Variants in MAP3K6 observed in about 807,000 individuals in gnomAD.
MAP3K6 encodes mitogen-activated protein kinase kinase kinase 6, also known as apoptosis signal-regulating kinase 2.
Under a neutral mutation model 147.1 loss-of-function variants are expected in MAP3K6, and 105 were observed. The observed-to-expected ratio is 0.71, with a 90% confidence interval of 0.61 to 0.84. The LOEUF (loss-of-function observed/expected upper bound fraction) is 0.84. Among genes scored for constraint, MAP3K6 ranks in the 40% least tolerant of loss-of-function variants. The pLI, the probability that MAP3K6 is intolerant of heterozygous loss-of-function variation, is 0.00. For synonymous variants in MAP3K6, 695 were observed against 732.4 expected, an observed-to-expected ratio of 0.95 and a Z score of 0.82; for missense variants, 1,569 against 1,715.0, an observed-to-expected ratio of 0.91 and a Z score of 1.50.
chr1:27,359,938 T>G lies in MAP3K6; in HGVS notation c.2239A>C (p.Thr747Pro), dbSNP rs1571067799. ...VWGPLKDNES[T>P]ISFYTRQILQ... ...ATCTGGCGGGTGTAGAAACTGATGGTGCTCTCGTTGTCCTTCAGGGGTCCC... is the reference window on the plus strand; with the variant it reads ...ATCTGGCGGGTGTAGAAACTGATGGGGCTCTCGTTGTCCTTCAGGGGTCCC... Residue 747 changes from threonine to proline, a missense_variant, in exon 17 of 29, where the codon ACC becomes CCC. Thr to Pro is a conservative substitution (Grantham distance 38). Transcript: ENST00000357582. The surrounding 1 kb of genome is among the most constrained non-coding windows in gnomAD (Gnocchi z 4.4). The G allele has an allele frequency of 6.2e-7, 1 of 1,614,090 alleles. No homozygotes were observed. Among genetic ancestry groups the G allele is most frequent in the Non-Finnish European group, 8.5e-7 (1 of 1,180,004 alleles).
At position 27,360,911 on chromosome 1, in the gene MAP3K6, G is replaced by A. The variant is rs753554846; in HGVS notation, c.1920+10C>T. 6.1e-5 allele frequency: 98 copies of A among 1,607,696 alleles called. No homozygotes were observed. The highest frequency in any genetic ancestry group is 1.0e-4 in the Admixed American group (6 of 59,668). ...TCGCCCTCCGCGAGCTCCCAGTCCCGCGTCCTCACCTCCAACATCTCCCCC... is the reference window on the plus strand; with the variant it reads ...TCGCCCTCCGCGAGCTCCCAGTCCCACGTCCTCACCTCCAACATCTCCCCC... On this transcript the variant is annotated intron_variant, in intron 14 of 28. Coordinates refer to ENST00000357582, the MANE Select transcript of MAP3K6 (RefSeq NM_004672.5). This position sits in a 1 kb window ranked among gnomAD's most constrained non-coding sequence, Gnocchi z 4.5.
chr1:27,361,135 C>A, intron 13 of MAP3K6, 22 bp downstream of exon 13: 1 of 1,590,288 alleles, frequency 6.3e-7, no homozygotes. Flanking sequence ...TCAGAGTACC[C>A]CGACCATGAA....
rs952524835 is a variant in MAP3K6, at chr1:27,359,749, C to T, written c.2319+109G>A. The T allele has an allele frequency of 2.0e-6, 3 of 1,522,204 alleles. No homozygotes were observed. The highest frequency in any genetic ancestry group is 2.7e-6 in the Non-Finnish European group (3 of 1,117,094). 94.3% of individuals were successfully genotyped at this position (1,522,204 alleles called of 1,614,324 possible). A position where few individuals can be genotyped will look rare whatever the true frequency, so the allele number is the denominator to read the frequency against. ...GAGCCTCCCTGATGAATTCCCTACC[C>T]TTTGCAACAGGTCTGCTCACTTAAT... On this transcript the variant is annotated intron_variant, in intron 17 of 28. Transcript: ENST00000357582. This position sits in a 1 kb window ranked among gnomAD's most constrained non-coding sequence, Gnocchi z 4.4.
rs2015991286 is a variant in MAP3K6 at position 27,366,456 on chromosome 1, C to T, written c.142G>A (p.Val48Ile). ...TGCGGCTCCCGGGTCAGCACGTAGACCACGCTGAGCGGCCGGCTCCGCGCG... is the reference window on the plus strand; with the variant it reads ...TGCGGCTCCCGGGTCAGCACGTAGATCACGCTGAGCGGCCGGCTCCGCGCG... ...GCARSRPLSV[V>I]YVLTREPQPG... The change falls in exon 1 of 29, where the codon GTC (valine) becomes ATC (isoleucine). Residue 48 changes from valine to isoleucine, a missense_variant. Coordinates refer to ENST00000357582, the MANE Select transcript of MAP3K6 (RefSeq NM_004672.5). The surrounding 1 kb of genome is among the most constrained non-coding windows in gnomAD (Gnocchi z 5.5). 8.3e-7 allele frequency: 1 copy of T among 1,202,722 alleles called. No individual in the cohort carries two copies. The highest frequency in any genetic ancestry group is 1.6e-5 in the African/African-American group (1 of 63,080). The allele number at this position is 1,202,722 out of a possible 1,614,324, so 74.5% of individuals were successfully genotyped here. A position where few individuals can be genotyped will look rare whatever the true frequency, so the allele number is the denominator to read the frequency against.
chr1:27,365,802 C>T (rs1383371714), intron 1 of MAP3K6, among the ~76,000 whole-genome samples: 1 of 152,148 alleles, frequency 6.6e-6, no homozygotes. Flanking sequence ...ACTCCAGCCT[C>T]CCGGCCCCTT....
Position 27,361,525 on chromosome 1 carries a change from T to C in MAP3K6, c.1681A>G (p.Thr561Ala). ...TVTLSLLEPETQDIPSSWTFP... is the reference protein window; with the variant it reads ...TVTLSLLEPEAQDIPSSWTFP... The stretch of plus-strand genomic sequence containing the variant: ...GGCCTCAGCAGCGACTTCACCTGGG[T>C]CTCAGGCTCCAGCAGGCTCAGGGTC... Residue 561 changes from threonine to alanine, a missense_variant, in exon 11 of 29, where the codon ACC (threonine) becomes GCC (alanine). By Grantham distance (58) the Thr-to-Ala change is moderately conservative. Transcript: ENST00000357582. The C allele has an allele frequency of 6.2e-7, 1 of 1,614,058 alleles. No homozygotes were observed. Among genetic ancestry groups the C allele is most frequent in the Non-Finnish European group, 8.5e-7 (1 of 1,179,974 alleles).
Position 27,364,453 on chromosome 1 carries a change from G to A in MAP3K6, c.505-59C>T. 6.3e-7 allele frequency: 1 copy of A among 1,592,156 alleles called. No homozygotes were observed. Among genetic ancestry groups the A allele is most frequent in the South Asian group, 1.1e-5 (1 of 90,142 alleles). ...GAGGTCAGCACAGGGCTAGACAAGG[G>A]GAGTGAGAGCATCAAAGGTCAGCAT... is the stretch of plus-strand genomic sequence containing the variant. On this transcript the variant is annotated intron_variant, in intron 3 of 28. Coordinates refer to ENST00000357582, the MANE Select transcript of MAP3K6 (RefSeq NM_004672.5). This position sits in a 1 kb window ranked among gnomAD's most constrained non-coding sequence, Gnocchi z 4.4.
In MAP3K6 at chr1:27,358,389, C is replaced by T. The variant is rs781209082; in HGVS notation, c.2776+30G>A. 4 of 1,586,146 alleles carry T rather than the reference C, an allele frequency of 2.5e-6. No homozygotes were observed. Among genetic ancestry groups the T allele is most frequent in the East Asian group, 2.2e-5 (1 of 44,732 alleles). ...ACAGCTCCACAACTCCTCTGCCCTC[C>T]ACTGTGCCCATCCCGCCACCCGCAA... On this transcript the variant is annotated intron_variant, in intron 20 of 28. Transcript: ENST00000357582. The surrounding 1 kb of genome is among the most constrained non-coding windows in gnomAD (Gnocchi z 6.2).
In MAP3K6 at chr1:27,364,433, C is replaced by A; in HGVS notation, c.505-39G>T. 6.2e-7 allele frequency: 1 copy of A among 1,607,798 alleles called. No homozygotes were observed. The highest frequency in any genetic ancestry group is 1.1e-5 in the South Asian group (1 of 90,702). The stretch of plus-strand genomic sequence containing the variant: ...GGCAGGAATCAGTGAGGTCAGAGGT[C>A]AGCACAGGGCTAGACAAGGGGAGTG... On this transcript the variant is annotated intron_variant, in intron 3 of 28. Transcript: ENST00000357582. This position sits in a 1 kb window ranked among gnomAD's most constrained non-coding sequence, Gnocchi z 4.4.
At chr1:27,355,776 G>T in intron 27 of MAP3K6, 31 bp from the exon 28 acceptor site, 1 of 1,599,580 alleles carries the variant, frequency 6.3e-7, no homozygotes, top group South Asian at 1.1e-5. Context: ...GCAGAAAGAG[G>T]GAAATAAGAA....
Position 27,360,470 on chromosome 1 carries a change from C to G in MAP3K6, c.2055-102G>C. On this transcript the variant is annotated intron_variant, in intron 15 of 28. Transcript: ENST00000357582. The surrounding 1 kb of genome is among the most constrained non-coding windows in gnomAD (Gnocchi z 4.5). ...CCGCCCCAAGGACCCGCCCCGCCCA[C>G]AAGCCCTCTCCGACCTTCCCCACCC... is the stretch of plus-strand genomic sequence containing the variant. 7.0e-7 allele frequency: 1 copy of G among 1,435,538 alleles called. No homozygotes were observed. The highest frequency in any genetic ancestry group is 9.3e-7 in the Non-Finnish European group (1 of 1,072,940). 88.9% of individuals were successfully genotyped at this position (1,435,538 alleles called of 1,614,324 possible).
Position 27,360,174 on chromosome 1 carries a change from A to G in MAP3K6, c.2182+67T>C. 2 of 1,598,684 alleles carry G rather than the reference A, an allele frequency of 1.3e-6. No individual in the cohort carries two copies. Among genetic ancestry groups the G allele is most frequent in the Non-Finnish European group, 8.5e-7 (1 of 1,171,002 alleles). On this transcript the variant is annotated intron_variant, in intron 16 of 28. Transcript: ENST00000357582. The surrounding 1 kb of genome is among the most constrained non-coding windows in gnomAD (Gnocchi z 4.5). Reference sequence around the variant, plus strand: ...GGTGCATTTCCCCCTAGGGCTCTCTACCCCTGCCTGCCTCGGTCCCATGCT... The same window carrying G: ...GGTGCATTTCCCCCTAGGGCTCTCTGCCCCTGCCTGCCTCGGTCCCATGCT...
chr1:27,361,175 C>A lies in MAP3K6; in HGVS notation c.1814G>T (p.Ser605Ile), dbSNP rs1391170874. ...TGCGCACCACTGGCAGTGCCCTACG[C>A]TGGGGAAGCACAGCTGGACGTCCTG... ...PAQDVQLCFPSVGHCQWFCGL... is the reference protein window; with the variant it reads ...PAQDVQLCFPIVGHCQWFCGL... The change falls in exon 13 of 29, where the codon AGC becomes ATC. Residue 605 changes from serine (S) to isoleucine (I), a missense_variant. Coordinates refer to ENST00000357582, the MANE Select transcript of MAP3K6 (RefSeq NM_004672.5). The A allele has an allele frequency of 1.2e-6, 2 of 1,611,792 alleles. No individual in the cohort carries two copies. Among genetic ancestry groups the A allele is most frequent in the Middle Eastern group, 1.7e-4 (1 of 6,044 alleles).
rs2015650089 is a variant in MAP3K6, at chr1:27,359,120, G to A, written c.2426-254C>T. On this transcript the variant is annotated intron_variant, in intron 18 of 28. Transcript: ENST00000357582. The surrounding 1 kb of genome is among the most constrained non-coding windows in gnomAD (Gnocchi z 4.4). ...CACAGACTCCATCACCCACAGTAGT[G>A]CTCCAGCACACATCCTGGATTGCCT... 6.6e-6 allele frequency among the ~76,000 whole-genome samples: 1 copy of A among 152,104 alleles called. No homozygotes were observed. The highest frequency in any genetic ancestry group is 1.5e-5 in the Non-Finnish European group (1 of 68,010).
Position 27,362,999 on chromosome 1 carries a change from C to T in MAP3K6, c.994G>A (p.Ala332Thr), listed in dbSNP as rs770101848. 11 of 1,613,888 alleles carry T rather than the reference C, an allele frequency of 6.8e-6. No homozygotes were observed. The South Asian group carries it at 1.2e-4, about 18-fold the overall frequency. The change falls in exon 7 of 29, where the codon GCG becomes ACG. Residue 332 changes from alanine (A) to threonine (T), a missense_variant. Physicochemically the swap from Ala to Thr is moderately conservative, Grantham distance 58. Transcript: ENST00000357582. ...LNRRNRPGDR[A>T]KALSVLLPLV... ...GGCAGCAGCACAGACAGGGCCTTCG[C>T]CCGGTCCCCAGGCCTGTTCCTCCTA...
At position 27,364,318 on chromosome 1, in the gene MAP3K6, A is replaced by G; in HGVS notation, c.581T>C (p.Leu194Pro). The change falls in exon 4 of 29, where the codon CTT becomes CCT. Residue 194 changes from leucine to proline, a missense_variant. Transcript: ENST00000357582. This position sits in a 1 kb window ranked among gnomAD's most constrained non-coding sequence, Gnocchi z 4.4. ...TGRVLCGDAGLLRGLADGLVQ... is the reference protein window; with the variant it reads ...TGRVLCGDAGPLRGLADGLVQ... ...CAGCCCATCAGCCAGGCCCCGCAGA[A>G]GGCCTGCATCACCACACAGCACCCG... is the stretch of plus-strand genomic sequence containing the variant. 6.2e-7 allele frequency: 1 copy of G among 1,614,120 alleles called. No homozygotes were observed. The highest frequency in any genetic ancestry group is 8.5e-7 in the Non-Finnish European group (1 of 1,180,040).
At position 27,355,675 on chromosome 1, in the gene MAP3K6, C is replaced by G; in HGVS notation, c.3782G>C (p.Arg1261Pro). Residue 1261 changes from arginine (R) to proline (P), a missense_variant, in exon 28 of 29, where the codon CGC (arginine) becomes CCC (proline). Coordinates refer to ENST00000357582, the MANE Select transcript of MAP3K6 (RefSeq NM_004672.5). The part of the protein sequence containing the change: ...YATRDDLIYT[R>P]IRGGMVCRIW... ...TGGGGGGCCCAGGATGTACCTGATG[C>G]GGGTGTAGATGAGGTCATCTCGAGT... 6.2e-7 allele frequency: 1 copy of G among 1,613,558 alleles called. No individual in the cohort carries two copies. Among genetic ancestry groups the G allele is most frequent in the Admixed American group, 1.7e-5 (1 of 60,004 alleles).
rs2015554644 is a variant in MAP3K6, at chr1:27,357,063, GA to G, written c.3309del (p.Leu1104TrpfsTer16). On this transcript the variant is annotated frameshift_variant, in exon 24 of 29. Transcript: ENST00000357582. LOFTEE classifies it high-confidence loss of function. ...KRQIRPHWMF[V>X]LDSLLSRAVR... ...ACAGCACGGCTGAGCAGTGAGTCCA[GA>G]ACGAACATCCAGTGTGGACGGATCT... The G allele has an allele frequency of 2.5e-6, 4 of 1,614,100 alleles. No homozygotes were observed. The highest frequency in any genetic ancestry group is 3.4e-6 in the Non-Finnish European group (4 of 1,180,028).
At chr1:27,363,287 T>TG (rs1164122810) in intron 6 of MAP3K6, among the ~76,000 whole-genome samples, 155 bp downstream of exon 6, 3 of 150,068 alleles carry the variant, frequency 2.0e-5, no homozygotes, top group Non-Finnish European at 3.0e-5. Flanking sequence ...CAGGCAGCAG[T>TG]AACTCAGAAC....
Sources: allele counts gnomAD v4.1 joint callset (sites outside exome capture counted in the v4.1 genomes callset), GRCh38; gene constraint gnomAD v4.1.1; non-coding constraint Gnocchi (gnomAD v3.1); transcripts MANE v1.5; gene names NCBI Gene and HGNC (gene_info 2026-07-23, HGNC 2026-07-21).